Variants in ZFPM2 observed in about 807,000 individuals in gnomAD.
The protein encoded by ZFPM2 is zinc finger protein, FOG family member 2.
Under a neutral mutation model 98.6 loss-of-function variants are expected in ZFPM2, and 20 were observed. That is an observed-to-expected ratio of 0.20 (90% confidence interval 0.14 to 0.29). The LOEUF is 0.29. Among genes scored for constraint, ZFPM2 ranks in the 10% least tolerant of loss-of-function variants. The pLI, the probability that ZFPM2 is intolerant of heterozygous loss-of-function variation, is 1.00. For missense variants in ZFPM2, 1,310 were observed against 1,388.6 expected (o/e 0.94, Z 0.90); for synonymous variants, 518 against 502.7 (o/e 1.03, Z -0.41).
intron 1 of ZFPM2, among the ~76,000 whole-genome samples, chr8:105,404,457 G>A (rs1811401766): frequency 1.3e-5 from 2 of 152,020 alleles, no homozygotes; most frequent in Admixed American, 1.3e-4. Flanking sequence ...TATAAAAGAT[G>A]TTACTGTAAA....
At chr8:105,330,842 A>G (rs1306883845) in intron 1 of ZFPM2, among the ~76,000 whole-genome samples, 1 of 150,042 alleles carries the variant, frequency 6.7e-6, no homozygotes, top group African/African-American at 2.4e-5. Context: ...GAAAAGAGAA[A>G]ACAATTGAAT....
chr8:105,543,801 T>G (rs1814632552), intron 3 of ZFPM2, among the ~76,000 whole-genome samples: 1 of 152,196 alleles, frequency 6.6e-6, no homozygotes, highest in African/African-American at 2.4e-5. Flanking sequence ...GGCGTAATAC[T>G]ACATCTTAGG....
intron 5 of ZFPM2, among the ~76,000 whole-genome samples, chr8:105,746,336 A>G (rs1256403690): frequency 6.6e-6 from 1 of 152,040 alleles, no homozygotes; most frequent in Non-Finnish European, 1.5e-5. Flanking sequence ...GTCTTTATGT[A>G]AGGGATATTT....
At chr8:105,384,602 C>T (rs1205086981) in intron 1 of ZFPM2, among the ~76,000 whole-genome samples, 4 of 151,870 alleles carry the variant, frequency 2.6e-5, no homozygotes, top group Admixed American at 2.6e-4. Context: ...AAACTGATCT[C>T]CATGTACCCT....
intron 3 of ZFPM2, among the ~76,000 whole-genome samples, chr8:105,518,763 A>G (rs1813990085): frequency 6.6e-6 from 1 of 152,250 alleles, no homozygotes; most frequent in African/African-American, 2.4e-5. Flanking sequence ...AGTATTCTCT[A>G]AACCATTTTT....
intron 3 of ZFPM2, among the ~76,000 whole-genome samples, chr8:105,489,409 A>G (rs1813306921): frequency 6.8e-6 from 1 of 146,446 alleles, no homozygotes; most frequent in South Asian, 2.1e-4. Context: ...ATATATATTT[A>G]TAGATATATC....
chr8:105,390,812 G>A (rs1454180514), intron 1 of ZFPM2, among the ~76,000 whole-genome samples: 1 of 152,062 alleles, frequency 6.6e-6, no homozygotes, highest in African/African-American at 2.4e-5. Flanking sequence ...TAACATTCTA[G>A]CTTAAATTGA....
At chr8:105,360,402 GCATACTTATCA>G (rs1383391177) in intron 1 of ZFPM2, among the ~76,000 whole-genome samples, 1 of 152,112 alleles carries the variant, frequency 6.6e-6, no homozygotes, top group Non-Finnish European at 1.5e-5. Flanking sequence ...AAATGGAATT[GCATACTTATCA>G]CATTTTTTGG....
chr8:105,778,542 C>T (rs935335215), intron 5 of ZFPM2, among the ~76,000 whole-genome samples: 2 of 151,752 alleles, frequency 1.3e-5, no homozygotes, highest in African/African-American at 4.8e-5. Context: ...TGGCCTATTC[C>T]CCCAGAGAAT....
intron 4 of ZFPM2, among the ~76,000 whole-genome samples, chr8:105,573,002 A>T (rs1440902560): frequency 6.6e-6 from 1 of 152,200 alleles, no homozygotes; most frequent in East Asian, 1.9e-4. Context: ...ATGGTTAAAA[A>T]TAATGAGCAC....
At chr8:105,775,981 G>A (rs1169721767) in intron 5 of ZFPM2, among the ~76,000 whole-genome samples, 2 of 151,848 alleles carry the variant, frequency 1.3e-5, no homozygotes, top group African/African-American at 2.4e-5. Flanking sequence ...TGCTTCAGTA[G>A]AAATCCGGGC....
chr8:105,687,722 T>C (rs1043093606), intron 5 of ZFPM2, among the ~76,000 whole-genome samples: 1 of 152,002 alleles, frequency 6.6e-6, no homozygotes, highest in African/African-American at 2.4e-5. Flanking sequence ...AACAGGAGCA[T>C]CAAAAAATTA....
intron 5 of ZFPM2, among the ~76,000 whole-genome samples, chr8:105,701,117 T>C (rs1470559701): frequency 6.6e-6 from 1 of 152,200 alleles, no homozygotes; most frequent in Admixed American, 6.5e-5. Flanking sequence ...ATTCTCACAT[T>C]TTGTTTTTCC....
chr8:105,725,628 A>C (rs1271617579), intron 5 of ZFPM2, among the ~76,000 whole-genome samples: 1 of 151,764 alleles, frequency 6.6e-6, no homozygotes, highest in Non-Finnish European at 1.5e-5. Flanking sequence ...TCATTTGAGC[A>C]ATGGTCTAAT....
chr8:105,667,547 T>A (rs1817512882), intron 5 of ZFPM2, among the ~76,000 whole-genome samples: 1 of 152,186 alleles, frequency 6.6e-6, no homozygotes, highest in Non-Finnish European at 1.5e-5. Flanking sequence ...ACTTTTTGAG[T>A]TTTAGTGTAG....
chr8:105,395,529 G>A (rs1213537290), intron 1 of ZFPM2, among the ~76,000 whole-genome samples: 1 of 152,064 alleles, frequency 6.6e-6, no homozygotes, highest in African/African-American at 2.4e-5. Flanking sequence ...GAGTTTCCTA[G>A]CATAGCCACT....
intron 3 of ZFPM2, among the ~76,000 whole-genome samples, chr8:105,558,017 A>G (rs1168215070): frequency 2.0e-5 from 3 of 152,150 alleles, no homozygotes; most frequent in Non-Finnish European, 4.4e-5. Flanking sequence ...CACTCAGGAA[A>G]GATATAACTT....
intron 5 of ZFPM2, among the ~76,000 whole-genome samples, chr8:105,705,706 C>T (rs551728844): frequency 3.9e-5 from 6 of 152,188 alleles, no homozygotes; most frequent in African/African-American, 1.4e-4. Flanking sequence ...CTGCAGTGGA[C>T]GACTCCCTGT....
At chr8:105,718,756 GT>G (rs1811586797) in intron 5 of ZFPM2, among the ~76,000 whole-genome samples, 1 of 151,696 alleles carries the variant, frequency 6.6e-6, no homozygotes, top group Non-Finnish European at 1.5e-5. Flanking sequence ...ATCATCTCTG[GT>G]TCAAAAAGCT....
Sources: allele counts gnomAD v4.1 joint callset (sites outside exome capture counted in the v4.1 genomes callset), GRCh38; gene constraint gnomAD v4.1.1; transcripts MANE v1.5; gene names NCBI Gene and HGNC (gene_info 2026-07-23, HGNC 2026-07-21).